Variants in TANC2 observed in about 807,000 individuals in gnomAD.
TANC2 encodes the protein protein TANC2.
In TANC2, 26 loss-of-function variants were observed where a neutral mutation model predicts 210.5. That is an observed-to-expected ratio of 0.12 (90% CI 0.09 to 0.17). The LOEUF is 0.17. TANC2 is among the 10% of genes least tolerant of loss of function. TANC2 has a pLI of 1.00. For missense variants in TANC2, 2,129 were observed against 2,608.9 expected, an observed-to-expected ratio of 0.82 and a Z score of 4.01; for synonymous variants, 931 against 967.1, an observed-to-expected ratio of 0.96 and a Z score of 0.69.
intron 24 of TANC2, 143 bp from the exon 25 acceptor site, chr17:63,413,400 C>G: frequency 1.8e-6 from 1 of 570,028 alleles, no homozygotes; most frequent in Non-Finnish European, 3.1e-6. Context: ...CTAAAATACT[C>G]CCAGGTCTAA....
At chr17:63,311,759 A>G (rs999715954) in intron 9 of TANC2, among the ~76,000 whole-genome samples, 2 of 152,248 alleles carry the variant, frequency 1.3e-5, no homozygotes, top group South Asian at 2.1e-4. Context: ...TAAACAAAAT[A>G]TGGTATATCC....
intron 7 of TANC2, among the ~76,000 whole-genome samples, chr17:63,232,300 G>A (rs1326357680): frequency 6.6e-6 from 1 of 152,170 alleles, no homozygotes; most frequent in Non-Finnish European, 1.5e-5. Flanking sequence ...CCCTTTGCTG[G>A]AGAGGTGTTG....
intron 4 of TANC2, among the ~76,000 whole-genome samples, chr17:63,139,244 A>T (rs1453553620): frequency 6.6e-6 from 1 of 152,178 alleles, no homozygotes; most frequent in Admixed American, 6.5e-5. Flanking sequence ...CATACTGAAC[A>T]CCAACTTAAA....
intron 14 of TANC2, among the ~76,000 whole-genome samples, chr17:63,369,488 C>T (rs1387432318): frequency 6.6e-6 from 1 of 151,864 alleles, no homozygotes; most frequent in Admixed American, 6.6e-5. Context: ...ACAAGGACTC[C>T]TCTTCCTTTT....
intron 4 of TANC2, among the ~76,000 whole-genome samples, chr17:63,107,070 G>T (rs2037854651): frequency 6.6e-6 from 1 of 151,510 alleles, no homozygotes; most frequent in Non-Finnish European, 1.5e-5. Context: ...AGATGAAGTG[G>T]TTTCATTTCT....
At chr17:63,070,249 A>C (rs2036347841) in intron 2 of TANC2, among the ~76,000 whole-genome samples, 1 of 152,180 alleles carries the variant, frequency 6.6e-6, no homozygotes, top group Non-Finnish European at 1.5e-5. Context: ...TTCACAGTGC[A>C]TTGTGCACTT....
At chr17:63,015,755 G>T (rs1055630546) in intron 2 of TANC2, among the ~76,000 whole-genome samples, 7 of 150,880 alleles carry the variant, frequency 4.6e-5, no homozygotes, top group Admixed American at 4.6e-4. Context: ...AAAAAAAACC[G>T]CTGTGTGGTT....
chr17:63,318,307 A>T (rs965886124), intron 10 of TANC2, among the ~76,000 whole-genome samples: 28 of 152,354 alleles, frequency 1.8e-4, no homozygotes, highest in South Asian at 6.2e-4. Flanking sequence ...TTGAATTTTT[A>T]AAAAAATCTT....
intron 11 of TANC2, among the ~76,000 whole-genome samples, chr17:63,335,017 T>G (rs1037021675): frequency 5.9e-5 from 9 of 152,122 alleles, no homozygotes; most frequent in African/African-American, 2.2e-4. Flanking sequence ...TCACTCACTG[T>G]GGTGAGGACA....
intron 2 of TANC2, among the ~76,000 whole-genome samples, chr17:63,027,245 A>G (rs2034589869): frequency 6.6e-6 from 1 of 152,128 alleles, no homozygotes; most frequent in African/African-American, 2.4e-5. Flanking sequence ...TTACTGTAAA[A>G]ATCCAAGTGT....
intron 14 of TANC2, among the ~76,000 whole-genome samples, chr17:63,369,530 G>C (rs1387820699): frequency 6.6e-6 from 1 of 150,694 alleles, no homozygotes; most frequent in East Asian, 1.9e-4. Context: ...TGACAATCTT[G>C]TGGAAAGGAA....
chr17:63,222,391 T>C (rs2145943261), intron 7 of TANC2, among the ~76,000 whole-genome samples: 1 of 152,292 alleles, frequency 6.6e-6, no homozygotes, highest in East Asian at 1.9e-4. Flanking sequence ...TTTTAAAAAA[T>C]GGAATGAACT....
At chr17:63,361,494 C>CT in intron 14 of TANC2, among the ~76,000 whole-genome samples, 1 of 152,334 alleles carries the variant, frequency 6.6e-6, no homozygotes, top group East Asian at 1.9e-4. Context: ...TGTGAGGCTG[C>CT]GGTTGTACCA....
chr17:63,139,644 G>A (rs936931343), intron 4 of TANC2, among the ~76,000 whole-genome samples: 12 of 152,124 alleles, frequency 7.9e-5, no homozygotes, highest in Non-Finnish European at 1.6e-4. Flanking sequence ...GGTGGTTCAT[G>A]CCTATAATCC....
At chr17:63,204,932 A>G (rs749524659) in intron 7 of TANC2, among the ~76,000 whole-genome samples, 2 of 152,008 alleles carry the variant, frequency 1.3e-5, no homozygotes, top group African/African-American at 4.8e-5. Flanking sequence ...TAGAAATACA[A>G]AAAGTAGCCA....
At chr17:63,223,500 G>A (rs1363172233) in intron 7 of TANC2, among the ~76,000 whole-genome samples, 2 of 152,094 alleles carry the variant, frequency 1.3e-5, no homozygotes, top group East Asian at 1.9e-4. Context: ...GTAGCAGTCC[G>A]AAGCAGGAGC....
intron 9 of TANC2, among the ~76,000 whole-genome samples, chr17:63,276,129 G>T (rs1241120833): frequency 6.6e-6 from 1 of 152,068 alleles, no homozygotes; most frequent in African/African-American, 2.4e-5. Context: ...TAAAAGGTTT[G>T]TTGTGAAATA....
chr17:63,260,130 A>G (rs2043313477), intron 8 of TANC2, among the ~76,000 whole-genome samples: 1 of 152,228 alleles, frequency 6.6e-6, no homozygotes, highest in South Asian at 2.1e-4. Context: ...GTTTAGCTTT[A>G]AAGTGGGAAG....
intron 2 of TANC2, among the ~76,000 whole-genome samples, chr17:63,055,296 T>C (rs926894685): frequency 2.0e-5 from 3 of 152,332 alleles, no homozygotes; most frequent in African/African-American, 7.2e-5. Flanking sequence ...ATTTTCCCTT[T>C]TGAAATAATG....
Sources: gnomAD v4.1 joint callset for allele counts (sites outside exome capture counted in the v4.1 genomes callset) on GRCh38, gnomAD v4.1.1 for gene constraint, MANE v1.5 for transcripts, NCBI Gene and HGNC (gene_info 2026-07-23, HGNC 2026-07-21) for gene names.